Variants in WDR41 observed in about 807,000 individuals in gnomAD.
The protein encoded by WDR41 is WD repeat domain 41, also known as WD repeat-containing protein 41.
In WDR41, 63 loss-of-function variants were observed where a neutral mutation model predicts 69.3. The observed-to-expected ratio is 0.91, with a 90% CI of 0.74 to 1.12. The LOEUF (loss-of-function observed/expected upper bound fraction) is 1.12. Ranked by LOEUF, WDR41 falls within the 50% of genes most tolerant of loss-of-function variation. WDR41 has a pLI of 0.00. For missense variants in WDR41, 543 were observed against 534.5 expected, an observed-to-expected ratio of 1.02 and a Z score of -0.16; for synonymous variants, 185 against 192.1, an observed-to-expected ratio of 0.96 and a Z score of 0.31.
intron 2 of WDR41, among the ~76,000 whole-genome samples, chr5:77,478,437 G>A (rs1801068513): frequency 6.6e-6 from 1 of 152,144 alleles, no homozygotes; most frequent in Non-Finnish European, 1.5e-5. Flanking sequence ...TAAAATAATG[G>A]CAAACCGAAT....
intron 2 of WDR41, among the ~76,000 whole-genome samples, chr5:77,470,926 C>A (rs1454131313): frequency 6.6e-6 from 1 of 152,098 alleles, no homozygotes; most frequent in Non-Finnish European, 1.5e-5. Flanking sequence ...CCAAGCAGAC[C>A]TAATAGACAT....
intron 1 of WDR41, among the ~76,000 whole-genome samples, chr5:77,555,133 G>A (rs1217435803): frequency 1.3e-5 from 2 of 150,652 alleles, no homozygotes; most frequent in African/African-American, 2.4e-5. Flanking sequence ...ACACACACTC[G>A]TACAATTCAA....
chr5:77,588,228 T>C (rs1744074858), intron 1 of WDR41, among the ~76,000 whole-genome samples: 1 of 152,218 alleles, frequency 6.6e-6, no homozygotes. Flanking sequence ...CTCAGTGATT[T>C]GCCTTTTTAC....
At chr5:77,465,129 C>G (rs1463291998) in intron 2 of WDR41, among the ~76,000 whole-genome samples, 2 of 152,140 alleles carry the variant, frequency 1.3e-5, no homozygotes, top group Non-Finnish European at 2.9e-5. Context: ...ACCAAGCTGA[C>G]AAGTGCCTTC....
intron 2 of WDR41, among the ~76,000 whole-genome samples, chr5:77,484,074 G>C (rs1183261452): frequency 1.3e-5 from 2 of 152,184 alleles, no homozygotes; most frequent in African/African-American, 4.8e-5. Flanking sequence ...CTGCTAAGAT[G>C]ACAAATTTGA....
chr5:77,487,233 T>G (rs1341212020), intron 2 of WDR41, among the ~76,000 whole-genome samples: 1 of 152,238 alleles, frequency 6.6e-6, no homozygotes, highest in Non-Finnish European at 1.5e-5. Context: ...TAGGATTCCT[T>G]AACACCCAAG....
chr5:77,527,957 C>A (rs1802474220), intron 1 of WDR41, among the ~76,000 whole-genome samples: 1 of 151,238 alleles, frequency 6.6e-6, no homozygotes, highest in South Asian at 2.1e-4. Context: ...TAAATGCACA[C>A]TAGAAAAGAA....
At chr5:77,488,158 T>C (rs1801605671) in intron 2 of WDR41, among the ~76,000 whole-genome samples, 1 of 152,206 alleles carries the variant, frequency 6.6e-6, no homozygotes, top group Admixed American at 6.5e-5. Context: ...GCAAGTGGCC[T>C]ACAAACCCAT....
intron 5 of WDR41, among the ~76,000 whole-genome samples, chr5:77,455,357 T>C (rs1314517193): frequency 1.3e-5 from 2 of 152,266 alleles, no homozygotes; most frequent in African/African-American, 4.8e-5. Context: ...ATTCTTCATA[T>C]ATTGTAGACA....
At chr5:77,500,455 AT>A (rs1478746954) in intron 1 of WDR41, among the ~76,000 whole-genome samples, 1 of 152,202 alleles carries the variant, frequency 6.6e-6, no homozygotes, top group Non-Finnish European at 1.5e-5. Flanking sequence ...AAGAAAAAAA[AT>A]AAAAGATAAA....
chr5:77,586,374 AC>A (rs1744039204), intron 1 of WDR41, among the ~76,000 whole-genome samples: 2 of 151,886 alleles, frequency 1.3e-5, no homozygotes, highest in South Asian at 4.2e-4. Context: ...TAGTGCAATC[AC>A]AGCTCACTGT....
intron 1 of WDR41, among the ~76,000 whole-genome samples, chr5:77,536,727 G>T (rs1002060134): frequency 6.6e-6 from 1 of 152,140 alleles, no homozygotes; most frequent in Non-Finnish European, 1.5e-5. Flanking sequence ...TGCTGTACAG[G>T]TGTGTAGCCT....
At position 77,438,242 on chromosome 5, in the gene WDR41, G is replaced by T; in HGVS notation, c.1002C>A (p.Asn334Lys). 6.2e-7 allele frequency: 1 copy of T among 1,613,934 alleles called. No individual in the cohort carries two copies. The highest frequency in any genetic ancestry group is 2.2e-5 in the East Asian group (1 of 44,872). ...SNVLHVARLP[N>K]RQLISCSEDG... is the part of the protein sequence containing the mutation. Reference sequence around the variant, plus strand: ...GCAGAACAGATGGGAACTTGTACCTGTTTGGAAGTCTGGCAACGTGCAGGA... The same window carrying T: ...GCAGAACAGATGGGAACTTGTACCTTTTTGGAAGTCTGGCAACGTGCAGGA... Residue 334 changes from asparagine to lysine, a missense_variant and splice_region_variant, in exon 10 of 13, where the codon AAC becomes AAA. Asn to Lys is a moderately conservative substitution (Grantham distance 94, BLOSUM62 0). Coordinates refer to ENST00000296679, the MANE Select transcript of WDR41 (RefSeq NM_018268.4).
chr5:77,549,181 T>C (rs966428995), intron 1 of WDR41, among the ~76,000 whole-genome samples: 2 of 152,088 alleles, frequency 1.3e-5, no homozygotes, highest in Non-Finnish European at 2.9e-5. Context: ...TAGGGTGCAG[T>C]GTATACTGCC....
intron 1 of WDR41, among the ~76,000 whole-genome samples, chr5:77,525,222 TC>T (rs1802428181): frequency 6.6e-6 from 1 of 152,212 alleles, no homozygotes; most frequent in Admixed American, 6.5e-5. Context: ...TTCCTAAACT[TC>T]ATAGTAAAAA....
intron 1 of WDR41, among the ~76,000 whole-genome samples, chr5:77,544,254 C>CA (rs1377164606): frequency 3.3e-5 from 5 of 151,632 alleles, no homozygotes; most frequent in Admixed American, 1.3e-4. Flanking sequence ...AAAACAAAAA[C>CA]AAAAAAACAA....
upstream of WDR41, among the ~76,000 whole-genome samples, chr5:77,493,568 T>G (rs1040091290): frequency 1.3e-5 from 2 of 152,200 alleles, no homozygotes; most frequent in African/African-American, 4.8e-5. Flanking sequence ...GTATTCCTTT[T>G]GAGTGCACTC....
At chr5:77,488,201 G>A (rs1331166868) in intron 2 of WDR41, among the ~76,000 whole-genome samples, 2 of 152,196 alleles carry the variant, frequency 1.3e-5, no homozygotes, top group African/African-American at 2.4e-5. Context: ...CCAGTGAGGG[G>A]TGCTGTATAG....
At chr5:77,493,609 A>G (rs187730998), upstream of WDR41, among the ~76,000 whole-genome samples, 233 of 152,302 alleles carry the variant, frequency 1.5e-3, 3 homozygotes, top group African/African-American at 5.5e-3. Context: ...GATCAGGAGC[A>G]TGTTGCCTTC....
Sources: gnomAD v4.1 joint callset for allele counts (sites outside exome capture counted in the v4.1 genomes callset) on GRCh38, gnomAD v4.1.1 for gene constraint, MANE v1.5 for transcripts, NCBI Gene and HGNC (gene_info 2026-07-23, HGNC 2026-07-21) for gene names.